The following KSR1 variants were observed in gnomAD, a reference collection of about 807,000 sequenced individuals.
KSR1 encodes the protein kinase suppressor of ras 1, also known as kinase suppressor of ras.
KSR1 carries 35 observed loss-of-function variants against 92.9 expected under a neutral mutation model. The observed-to-expected ratio is 0.38, with a 90% CI of 0.29 to 0.50. KSR1 has a LOEUF of 0.50. KSR1 is among the 20% of genes least tolerant of loss of function. The pLI is 0.94. For synonymous variants in KSR1, 467 were observed against 472.6 expected, an observed-to-expected ratio of 0.99 and a Z score of 0.15; for missense variants, 972 against 1,158.5, an observed-to-expected ratio of 0.84 and a Z score of 2.34.
chr17:27,473,753 A>G (rs771166454), intron 1 of KSR1, among the ~76,000 whole-genome samples: 1 of 152,118 alleles, frequency 6.6e-6, no homozygotes, highest in African/African-American at 2.4e-5. Context: ...GCCATGACTC[A>G]CCGTGGCACA....
chr17:27,580,181 T>G (rs2072694464), intron 3 of KSR1, among the ~76,000 whole-genome samples: 1 of 152,070 alleles, frequency 6.6e-6, no homozygotes, highest in Admixed American at 6.5e-5. Context: ...CTTGCTCCCT[T>G]TGGTAGCAGG....
intron 1 of KSR1, among the ~76,000 whole-genome samples, chr17:27,469,893 C>T (rs1051269278): frequency 1.1e-4 from 17 of 151,872 alleles, no homozygotes; most frequent in Admixed American, 7.9e-4. Flanking sequence ...TGAATGGAAT[C>T]GTCTTTATAT....
Position 27,459,558 on chromosome 17 carries a change from C to T in KSR1, c.231+2684C>T, listed in dbSNP as rs1161220174. ...GGCAGTGTCCACTCCAGCGTTCTTT[C>T]CTGTTCTGTGGGCTCCCCACACACC... On this transcript the variant is annotated intron_variant, in intron 1 of 20. Transcript: ENST00000644974. This position sits in a 1 kb window ranked among gnomAD's most constrained non-coding sequence, Gnocchi z 4.6. Among the ~76,000 whole-genome samples, 3 of 152,260 alleles carry T rather than the reference C, an allele frequency of 2.0e-5. No homozygotes were observed. The highest frequency in any genetic ancestry group is 7.2e-5 in the African/African-American group (3 of 41,468).
chr17:27,571,183 A>G (rs1288776114), intron 2 of KSR1, among the ~76,000 whole-genome samples: 1 of 152,112 alleles, frequency 6.6e-6, no homozygotes, highest in African/African-American at 2.4e-5. Flanking sequence ...TGGGGTAGTG[A>G]GGAGGCTGGG....
intron 1 of KSR1, among the ~76,000 whole-genome samples, chr17:27,458,251 T>C (rs1410917572): frequency 1.3e-5 from 2 of 152,170 alleles, no homozygotes; most frequent in Non-Finnish European, 2.9e-5. Flanking sequence ...GAGAAACTGA[T>C]TTTTTGAACA....
chr17:27,513,326 C>A (rs1014527585), intron 1 of KSR1, among the ~76,000 whole-genome samples: 5 of 151,984 alleles, frequency 3.3e-5, no homozygotes, highest in African/African-American at 1.2e-4. Flanking sequence ...TGCGGTGGCT[C>A]ATGTCTGTAA....
intron 14 of KSR1, 116 bp downstream of exon 14, chr17:27,605,929 A>G (rs1009408886): frequency 5.3e-6 from 7 of 1,326,780 alleles, no homozygotes; most frequent in Non-Finnish European, 7.2e-6. Context: ...GGCATAAAGA[A>G]GAAAACCAAA....
At chr17:27,458,534 G>A (rs548528414) in intron 1 of KSR1, among the ~76,000 whole-genome samples, 4 of 152,114 alleles carry the variant, frequency 2.6e-5, no homozygotes, top group Admixed American at 1.3e-4. Context: ...CCTAACTTCC[G>A]GAGTCCCTCA....
At chr17:27,481,849 A>G (rs563520834) in intron 1 of KSR1, among the ~76,000 whole-genome samples, 50 of 152,258 alleles carry the variant, frequency 3.3e-4, no homozygotes, top group African/African-American at 1.2e-3. Flanking sequence ...TCCACTGTCC[A>G]TTATACCAGA....
chr17:27,545,636 G>A (rs2071143912), intron 1 of KSR1, among the ~76,000 whole-genome samples: 1 of 152,242 alleles, frequency 6.6e-6, no homozygotes, highest in Non-Finnish European at 1.5e-5. Context: ...CCAGCCTGAA[G>A]AGGGAAGCAG....
intron 19 of KSR1, 43 bp from the exon 20 acceptor site, chr17:27,621,150 C>T (rs538910614): frequency 1.8e-5 from 7 of 398,692 alleles, no homozygotes; most frequent in South Asian, 1.3e-4. Context: ...GGCCGGACTG[C>T]GCTCTTCCCA....
intron 1 of KSR1, among the ~76,000 whole-genome samples, chr17:27,460,130 G>C (rs1248582138): frequency 6.6e-6 from 1 of 152,072 alleles, no homozygotes; most frequent in Non-Finnish European, 1.5e-5. Context: ...GACCCTCCTA[G>C]GGGTCTGAAA....
chr17:27,504,609 C>T (rs1330145966), intron 1 of KSR1, among the ~76,000 whole-genome samples: 1 of 152,170 alleles, frequency 6.6e-6, no homozygotes, highest in East Asian at 1.9e-4. Context: ...CTGAGTTTCA[C>T]ATGGGCAGGA....
Position 27,464,905 on chromosome 17 carries a change from T to TA in KSR1, c.231+8035dup, listed in dbSNP as rs2019612589. On this transcript the variant is annotated intron_variant, in intron 1 of 20. Transcript: ENST00000644974. Reference sequence around the variant, plus strand: ...AAGAAGAATGCTCCTGGGCCACAGATAAAATACACTAATGCTAACAATAGC... The same window carrying TA: ...AAGAAGAATGCTCCTGGGCCACAGATAAAAATACACTAATGCTAACAATAGC... 2.1e-5 allele frequency among the ~76,000 whole-genome samples: 3 copies of TA among 142,584 alleles called. No homozygotes were observed. The Admixed American group carries it at 2.2e-4, about 10-fold the overall frequency. The allele number at this position is 142,584 out of a possible 152,430, so 93.5% of individuals were successfully genotyped here. A position where few individuals can be genotyped will look rare whatever the true frequency, so the allele number is the denominator to read the frequency against.
intron 10 of KSR1, among the ~76,000 whole-genome samples, chr17:27,600,548 C>T (rs1017912640): frequency 2.0e-5 from 3 of 152,088 alleles, no homozygotes; most frequent in Non-Finnish European, 4.4e-5. Flanking sequence ...AAGTAAGATG[C>T]TACCGTGCAT....
chr17:27,521,512 G>A (rs1224167108), intron 1 of KSR1, among the ~76,000 whole-genome samples: 3 of 152,032 alleles, frequency 2.0e-5, no homozygotes, highest in African/African-American at 7.3e-5. Context: ...GCTCACTGGA[G>A]CCCTGACTTC....
chr17:27,472,285 G>A (rs1382292048), intron 1 of KSR1, among the ~76,000 whole-genome samples: 1 of 152,224 alleles, frequency 6.6e-6, no homozygotes, highest in Non-Finnish European at 1.5e-5. Context: ...GGGGTTATGA[G>A]ATTGAGCAGA....
At position 27,456,718 on chromosome 17, in the gene KSR1, C is replaced by A. The variant is rs536492743; in HGVS notation, c.75C>A (p.Ala25=). The A allele has an allele frequency of 5.1e-6, 5 of 975,818 alleles. No homozygotes were observed. The African/African-American group carries it at 8.1e-5, about 16-fold the overall frequency. The allele number at this position is 975,818 out of a possible 1,614,324, so 60.4% of individuals were successfully genotyped here. The stretch of plus-strand genomic sequence containing the variant: ...GCGGTGGCGGGGGGGATGCGGCGGC[C>A]GCGGAGGGAGGCGCAGGGGCCGCGG... The part of the protein sequence containing the change: ...KEGGGGGDAA[A]AEGGAGAAAS... Residue 25 remains alanine, a synonymous_variant, in exon 1 of 21, where the codon GCC becomes GCA. Transcript: ENST00000644974.
At chr17:27,565,573 C>A (rs1218135880) in intron 2 of KSR1, among the ~76,000 whole-genome samples, 1 of 152,188 alleles carries the variant, frequency 6.6e-6, no homozygotes, top group Non-Finnish European at 1.5e-5. Flanking sequence ...TACAAGCACA[C>A]CACCACAGCA....
Sources: allele counts gnomAD v4.1 joint callset (sites outside exome capture counted in the v4.1 genomes callset), GRCh38; gene constraint gnomAD v4.1.1; non-coding constraint Gnocchi (gnomAD v3.1); transcripts MANE v1.5; gene names NCBI Gene and HGNC (gene_info 2026-07-23, HGNC 2026-07-21).